Variants in OCA2 observed in about 807,000 individuals in gnomAD.
OCA2 encodes OCA2 melanosomal transmembrane protein.
OCA2 carries 77 observed loss-of-function variants against 100.2 expected under a neutral mutation model. That is an observed-to-expected ratio of 0.77 (90% CI 0.64 to 0.93). The LOEUF (loss-of-function observed/expected upper bound fraction) is 0.93. OCA2 is among the 40% of genes least tolerant of loss of function. The pLI is 0.00. For synonymous variants in OCA2, 432 were observed against 439.2 expected (o/e 0.98, Z 0.21); for missense variants, 1,062 against 1,089.1 (o/e 0.98, Z 0.35).
intron 15 of OCA2, among the ~76,000 whole-genome samples, chr15:27,962,269 C>T (rs2040433234): frequency 6.6e-6 from 1 of 152,200 alleles, no homozygotes; most frequent in Non-Finnish European, 1.5e-5. Flanking sequence ...AGCTCTGATT[C>T]TGCCATATAA....
At chr15:27,942,600 A>G (rs988545761) in intron 18 of OCA2, among the ~76,000 whole-genome samples, 4 of 152,174 alleles carry the variant, frequency 2.6e-5, no homozygotes, top group African/African-American at 9.7e-5. Flanking sequence ...CAATGGTTGT[A>G]CAACTTTGTG....
chr15:28,092,486 T>G (rs2044886879), intron 1 of OCA2, among the ~76,000 whole-genome samples: 2 of 152,168 alleles, frequency 1.3e-5, no homozygotes, highest in Non-Finnish European at 2.9e-5. Flanking sequence ...CCCAAGTAGC[T>G]GGGACCACAG....
At chr15:27,721,312 G>A in the OCA2 span, among the ~76,000 whole-genome samples, 1 of 152,138 alleles carries the variant, frequency 6.6e-6, no homozygotes, top group Non-Finnish European at 1.5e-5. Context: ...AGGTTGCAGT[G>A]AGCCATGATT....
intron 22 of OCA2, among the ~76,000 whole-genome samples, chr15:27,848,077 G>A (rs1006695577): frequency 6.6e-5 from 10 of 152,198 alleles, no homozygotes; most frequent in Admixed American, 4.6e-4. Context: ...GTTTTCTGAG[G>A]TTTGGTCTCA....
intron 23 of OCA2, among the ~76,000 whole-genome samples, chr15:27,821,671 T>C (rs1377579171): frequency 1.3e-5 from 2 of 151,410 alleles, no homozygotes; most frequent in African/African-American, 2.4e-5. Context: ...CTCACATGCA[T>C]ACGTGTATTC....
At chr15:27,860,825 A>AT (rs1264103144) in intron 21 of OCA2, among the ~76,000 whole-genome samples, 1 of 152,196 alleles carries the variant, frequency 6.6e-6, no homozygotes, top group Non-Finnish European at 1.5e-5. Context: ...CAGCAGTGGG[A>AT]TTGCTAGGTT....
intron 23 of OCA2, among the ~76,000 whole-genome samples, chr15:27,839,511 G>A (rs977602220): frequency 2.0e-5 from 3 of 152,194 alleles, no homozygotes; most frequent in African/African-American, 4.8e-5. Flanking sequence ...CAAGTGATTT[G>A]TGATTCCAAT....
At chr15:27,722,752 C>T in the OCA2 span, among the ~76,000 whole-genome samples, 1 of 131,786 alleles carries the variant, frequency 7.6e-6, no homozygotes, top group Non-Finnish European at 1.6e-5. Flanking sequence ...CTTTCTTCTT[C>T]TTTCCTTCCT....
chr15:27,873,882 T>C (rs1157027514), intron 19 of OCA2, among the ~76,000 whole-genome samples: 3 of 152,242 alleles, frequency 2.0e-5, no homozygotes, highest in Admixed American at 2.0e-4. Flanking sequence ...TGTAGGTATA[T>C]AATGTGTATT....
intron 20 of OCA2, 79 bp from the exon 21 acceptor site, chr15:27,871,337 G>A: frequency 9.5e-7 from 1 of 1,051,938 alleles, no homozygotes; most frequent in Non-Finnish European, 1.5e-6. Context: ...AGACTCAGAG[G>A]GGCCCGAGGG....
intron 21 of OCA2, among the ~76,000 whole-genome samples, chr15:27,858,469 T>G (rs1484341819): frequency 1.3e-5 from 2 of 150,784 alleles, no homozygotes; most frequent in Non-Finnish European, 2.9e-5. Flanking sequence ...CAAGTGACTC[T>G]CTTTAGATAC....
chr15:27,828,752 A>G (rs1203037082), intron 23 of OCA2, among the ~76,000 whole-genome samples: 1 of 152,192 alleles, frequency 6.6e-6, no homozygotes. Flanking sequence ...GTCTGGGAAG[A>G]TGTGGCTTGG....
chr15:27,839,162 G>T (rs1595495529), intron 23 of OCA2, among the ~76,000 whole-genome samples: 2 of 151,950 alleles, frequency 1.3e-5, no homozygotes, highest in East Asian at 3.9e-4. Flanking sequence ...AGACAAACAA[G>T]GTATAAAAGA....
chr15:27,796,040 T>A (rs1418317955), intron 23 of OCA2, among the ~76,000 whole-genome samples: 2 of 152,238 alleles, frequency 1.3e-5, no homozygotes, highest in African/African-American at 4.8e-5. Flanking sequence ...TTAATGCTTG[T>A]GCACCACTAC....
intron 15 of OCA2, among the ~76,000 whole-genome samples, chr15:27,963,589 T>C (rs2040474087): frequency 6.6e-6 from 1 of 151,862 alleles, no homozygotes; most frequent in African/African-American, 2.4e-5. Context: ...GAAATAAAAA[T>C]AATAAATTAG....
At chr15:28,076,853 C>CAAAA (rs575299612) in intron 2 of OCA2, among the ~76,000 whole-genome samples, 3,264 of 60,182 alleles carry the variant, frequency 0.054, 335 homozygotes, top group African/African-American at 0.17. Context: ...GACTCCGTCT[C>CAAAA]AAAAAAAAAA....
intron 22 of OCA2, among the ~76,000 whole-genome samples, chr15:27,851,022 C>T (rs1415615481): frequency 3.3e-5 from 5 of 152,206 alleles, no homozygotes; most frequent in Admixed American, 3.3e-4. Context: ...ACCCATTTGT[C>T]CCTCCACTGC....
chr15:27,990,444 T>C, intron 10 of OCA2, 132 bp downstream of exon 10: 1 of 888,228 alleles, frequency 1.1e-6, no homozygotes, highest in Non-Finnish European at 1.9e-6. Context: ...ACCTCTAGCA[T>C]GGTTCTTGGG....
In OCA2 at chr15:27,957,253, G is replaced by A. The variant is rs913702987; in HGVS notation, c.1784+335C>T. Among the ~76,000 whole-genome samples the A allele has an allele frequency of 8.5e-5, 13 of 152,084 alleles. No homozygotes were observed. The highest frequency in any genetic ancestry group is 2.0e-4 in the Admixed American group (3 of 15,254). Reference sequence around the variant, plus strand: ...GCATTAATGGTTTTTGGTTTTTGTCGTGCAACAATTACAATGTAGAGAGAT... The same window carrying A: ...GCATTAATGGTTTTTGGTTTTTGTCATGCAACAATTACAATGTAGAGAGAT... On this transcript the variant is annotated intron_variant, in intron 16 of 23. Transcript: ENST00000354638. This position sits in a 1 kb window ranked among gnomAD's most constrained non-coding sequence, Gnocchi z 4.3.
Sources: allele counts gnomAD v4.1 joint callset (sites outside exome capture counted in the v4.1 genomes callset), GRCh38; gene constraint gnomAD v4.1.1; non-coding constraint Gnocchi (gnomAD v3.1); transcripts MANE v1.5; gene names NCBI Gene and HGNC (gene_info 2026-07-23, HGNC 2026-07-21).